The following CCDC191 variants were observed in gnomAD, a reference collection of about 807,000 sequenced individuals.
CCDC191 encodes the protein coiled-coil domain-containing protein 191.
A neutral mutation model predicts 114.0 loss-of-function variants in CCDC191; 99 were observed. That is an observed-to-expected ratio of 0.87 (90% CI 0.74 to 1.03). CCDC191 has a LOEUF of 1.03. Ranked by LOEUF, CCDC191 falls within the 50% of genes least tolerant of loss-of-function variation. CCDC191 has a pLI of 0.00. For synonymous variants in CCDC191, 351 were observed against 376.0 expected (o/e 0.93, Z 0.77); for missense variants, 973 against 1,087.0 (o/e 0.90, Z 1.47).
In CCDC191 at chr3:114,043,474, G is replaced by A. The variant is rs376753448; in HGVS notation, c.272-628C>T. On this transcript the variant is annotated intron_variant, in intron 3 of 16. Coordinates refer to ENST00000295878, the MANE Select transcript of CCDC191 (RefSeq NM_020817.2). ...GGGAAGCAATACTACTGTCTAGTAG[G>A]TAGAGGCCAGGGATGCTGCTAAACA... Among the ~76,000 whole-genome samples the A allele has an allele frequency of 1.8e-4, 27 of 152,268 alleles. No homozygotes were observed. The South Asian group carries it at 5.4e-3, about 30-fold the overall frequency.
chr3:114,020,825 C>T (rs1041624677), intron 7 of CCDC191, among the ~76,000 whole-genome samples: 1 of 151,806 alleles, frequency 6.6e-6, no homozygotes, highest in Admixed American at 6.6e-5. Context: ...ATAGAACAAA[C>T]ATAATCCATC....
intron 8 of CCDC191, among the ~76,000 whole-genome samples, chr3:114,014,934 C>T (rs963663162): frequency 3.3e-5 from 5 of 151,864 alleles, no homozygotes; most frequent in Admixed American, 1.3e-4. Context: ...CCATCCTATC[C>T]CCAGGACTTA....
intron 16 of CCDC191, among the ~76,000 whole-genome samples, chr3:113,972,746 G>A (rs1395965695): frequency 6.6e-6 from 1 of 152,086 alleles, no homozygotes; most frequent in Non-Finnish European, 1.5e-5. Context: ...TTGATGTTGA[G>A]TGCATAGATA....
At chr3:113,995,859 C>T (rs2075706153) in intron 13 of CCDC191, among the ~76,000 whole-genome samples, 1 of 152,208 alleles carries the variant, frequency 6.6e-6, no homozygotes, top group East Asian at 1.9e-4. Context: ...TTTTGATTTG[C>T]ATTTCTCTAA....
Position 114,017,571 on chromosome 3 carries a change from G to T in CCDC191, c.1163+1107C>A, listed in dbSNP as rs115273563. On this transcript the variant is annotated intron_variant, in intron 8 of 16. Transcript: ENST00000295878. ...CCATGCCCTTCTATGTAACAATACT[G>T]ACATTTATCATTCATGTGATTTTTC... Among the ~76,000 whole-genome samples the T allele has an allele frequency of 5.9e-3, 899 of 152,264 alleles. 11 individuals are homozygous for T. Among genetic ancestry groups the T allele is most frequent in the African/African-American group, 0.017 (724 of 41,552 alleles).
At position 114,010,852 on chromosome 3, in the gene CCDC191, G is replaced by A. The variant is rs746813283; in HGVS notation, c.1333C>T (p.Leu445Phe). Residue 445 changes from leucine (L) to phenylalanine (F), a missense_variant, in exon 9 of 17, where the codon CTC becomes TTC. Coordinates refer to ENST00000295878, the MANE Select transcript of CCDC191 (RefSeq NM_020817.2). ...ALLQAASLGK[L>F]SANGLSGISL... ...ATGCCTGATAACCCATTGGCACTGA[G>A]TTTCCCCAGTGATGCTGCCTGCAGC... 12 of 1,614,110 alleles carry A rather than the reference G, an allele frequency of 7.4e-6. No individual in the cohort carries two copies. Among genetic ancestry groups the A allele is most frequent in the African/African-American group, 1.3e-5 (1 of 75,072 alleles).
intron 13 of CCDC191, among the ~76,000 whole-genome samples, chr3:113,995,527 C>A (rs2075695792): frequency 6.6e-6 from 1 of 152,100 alleles, no homozygotes; most frequent in South Asian, 2.1e-4. Context: ...AATGACAAAA[C>A]TGTACTCAAG....
chr3:113,988,419 G>C (rs1233000549), intron 13 of CCDC191, among the ~76,000 whole-genome samples: 8 of 152,028 alleles, frequency 5.3e-5, no homozygotes, highest in African/African-American at 1.9e-4. Flanking sequence ...CTGAGGTCAG[G>C]AGTTCGAGAC....
intron 8 of CCDC191, among the ~76,000 whole-genome samples, chr3:114,018,093 G>A (rs920148089): frequency 2.6e-5 from 4 of 152,230 alleles, no homozygotes; most frequent in Non-Finnish European, 5.9e-5. Context: ...AGATGGTAGA[G>A]TGGGAGGAAT....
chr3:113,985,408 C>T (rs2075316786), intron 13 of CCDC191, among the ~76,000 whole-genome samples: 1 of 152,148 alleles, frequency 6.6e-6, no homozygotes, highest in African/African-American at 2.4e-5. Context: ...TTGGGGAAGC[C>T]TTATTCTCCA....
rs145893041 is a variant in CCDC191 at position 113,974,812 on chromosome 3, T to C, written c.2606+3374A>G. 7.9e-4 allele frequency among the ~76,000 whole-genome samples: 121 copies of C among 152,310 alleles called. 2 individuals are homozygous for C. In the East Asian group the frequency reaches 0.015, roughly 18 times the overall value. ...CTGCCTCCTTTTTGGCACTAGATGG[T>C]GCTTTAATCCCTGGTTCATCTTGGC... is the stretch of plus-strand genomic sequence containing the variant. On this transcript the variant is annotated intron_variant, in intron 16 of 16. Transcript: ENST00000295878.
chr3:114,056,475 T>C lies in CCDC191; in HGVS notation c.-9A>G. 1.2e-6 allele frequency: 2 copies of C among 1,614,126 alleles called. No individual in the cohort carries two copies. Among genetic ancestry groups the C allele is most frequent in the South Asian group, 1.1e-5 (1 of 91,086 alleles). The stretch of plus-strand genomic sequence containing the variant: ...TGAGGCGCCAGGAGCATTTTCCAAG[T>C]TCGAGCCCGAACCTCGGCCAAAGCT... On this transcript the variant is annotated 5_prime_UTR_variant, in exon 1 of 17. Coordinates refer to ENST00000295878, the MANE Select transcript of CCDC191 (RefSeq NM_020817.2).
chr3:113,990,906 T>C (rs2075534393), intron 13 of CCDC191, among the ~76,000 whole-genome samples: 1 of 121,904 alleles, frequency 8.2e-6, no homozygotes, highest in African/African-American at 3.2e-5. Flanking sequence ...AAGACTAGCC[T>C]GCGCAACATA....
intron 9 of CCDC191, among the ~76,000 whole-genome samples, chr3:114,008,942 C>T (rs1045630369): frequency 6.6e-6 from 1 of 152,124 alleles, no homozygotes; most frequent in Non-Finnish European, 1.5e-5. Context: ...TAGTCTACTG[C>T]ATCTAGGCTA....
chr3:114,011,120 C>T (rs1285942772), intron 8 of CCDC191, 99 bp from the exon 9 acceptor site: 7 of 1,317,872 alleles, frequency 5.3e-6, no homozygotes, highest in African/African-American at 2.9e-5. Flanking sequence ...TCTAGAAATG[C>T]TCCATCTTAG....
At chr3:113,965,915 G>C (rs1940110040) in intron 16 of CCDC191, among the ~76,000 whole-genome samples, 1 of 151,910 alleles carries the variant, frequency 6.6e-6, no homozygotes, top group East Asian at 1.9e-4. Flanking sequence ...ATTTTTGATT[G>C]AGTGGTGAAG....
At chr3:113,978,375 T>A in intron 15 of CCDC191, 44 bp from the exon 16 acceptor site, 1 of 1,597,068 alleles carries the variant, frequency 6.3e-7, no homozygotes, top group South Asian at 1.1e-5. Context: ...AAAATATCAG[T>A]TGACAAAGAA....
At chr3:113,998,887 A>G (rs1244960991) in intron 13 of CCDC191, among the ~76,000 whole-genome samples, 1 of 152,182 alleles carries the variant, frequency 6.6e-6, no homozygotes, top group African/African-American at 2.4e-5. Flanking sequence ...TTCTGACCAA[A>G]GAACTCACTT....
chr3:114,029,413 C>T (rs980779457), intron 7 of CCDC191, among the ~76,000 whole-genome samples: 1 of 152,064 alleles, frequency 6.6e-6, no homozygotes, highest in Non-Finnish European at 1.5e-5. Context: ...CATACATATA[C>T]ACATAGATGA....
Sources: allele counts gnomAD v4.1 joint callset (sites outside exome capture counted in the v4.1 genomes callset), GRCh38; gene constraint gnomAD v4.1.1; transcripts MANE v1.5; gene names NCBI Gene and HGNC (gene_info 2026-07-23, HGNC 2026-07-21).